Variants in ATIC observed in about 807,000 individuals in gnomAD.
The protein encoded by ATIC is 5-aminoimidazole-4-carboxamide ribonucleotide formyltransferase/IMP cyclohydrolase, also known as bifunctional purine biosynthesis protein ATIC.
A neutral mutation model predicts 72.5 loss-of-function variants in ATIC; 64 were observed. The observed-to-expected ratio is 0.88, with a 90% CI of 0.72 to 1.09. The LOEUF (loss-of-function observed/expected upper bound fraction) is 1.09, where lower values mean the gene tolerates loss of function less well. Ranked by LOEUF, ATIC falls within the 50% of genes least tolerant of loss-of-function variation. ATIC has a pLI of 0.00. For missense variants in ATIC, 787 were observed against 732.4 expected (o/e 1.07, Z -0.86); for synonymous variants, 281 against 267.1 (o/e 1.05, Z -0.51).
chr2:215,368,105 T>G, the ATIC span: 1 of 1,402,172 alleles, frequency 7.1e-7, no homozygotes, highest in African/African-American at 1.4e-5. Flanking sequence ...ATCGAATGAC[T>G]GTATACAATG....
At position 215,336,062 on chromosome 2, in the gene ATIC, T is replaced by G; in HGVS notation, c.1036T>G (p.Tyr346Asp). 1.2e-6 allele frequency: 2 copies of G among 1,612,688 alleles called. No individual in the cohort carries two copies. Among genetic ancestry groups the G allele is most frequent in the Non-Finnish European group, 1.7e-6 (2 of 1,179,210 alleles). Residue 346 changes from tyrosine (Y) to aspartate (D), a missense_variant, in exon 11 of 16, where the codon TAT (tyrosine) becomes GAT (aspartate). Tyr to Asp is a radical substitution (Grantham distance 160). Transcript: ENST00000236959. ...EVSDGIIAPG[Y>D]EEEALTILSK... is the part of the protein sequence containing the mutation. ...ATCTGATGGTATAATTGCCCCAGGA[T>G]ATGAAGAAGAAGCCTTGACAATACT...
At chr2:215,347,219 G>A (rs1386717691) in intron 14 of ATIC, 1 of 445,568 alleles carries the variant, frequency 2.2e-6, no homozygotes, top group Admixed American at 3.5e-5. Flanking sequence ...TTCCCCTGTT[G>A]ATTATAAGCT....
At chr2:215,332,553 TTTC>T in intron 8 of ATIC, 46 bp downstream of exon 8, 1 of 1,604,508 alleles carries the variant, frequency 6.2e-7, no homozygotes, top group Middle Eastern at 1.7e-4. Flanking sequence ...TCGAAAGGCA[TTTC>T]TTCTTAAATT....
chr2:215,327,567 T>C (rs2052842779), intron 7 of ATIC, among the ~76,000 whole-genome samples: 1 of 152,196 alleles, frequency 6.6e-6, no homozygotes, highest in Non-Finnish European at 1.5e-5. Flanking sequence ...TAAATGTGTG[T>C]CCTGTTCTGT....
At chr2:215,336,589 A>G (rs940265183) in intron 11 of ATIC, among the ~76,000 whole-genome samples, 1 of 152,200 alleles carries the variant, frequency 6.6e-6, no homozygotes, top group African/African-American at 2.4e-5. Context: ...CTTTCCTGAA[A>G]TAGTCTATGT....
At chr2:215,350,593 A>G (rs2053123099), downstream of ATIC, among the ~76,000 whole-genome samples, 1 of 152,216 alleles carries the variant, frequency 6.6e-6, no homozygotes, top group African/African-American at 2.4e-5. Context: ...TCTCAGTGCT[A>G]AGTGAAATGT....
chr2:215,315,823 C>T (rs58658987), intron 2 of ATIC, among the ~76,000 whole-genome samples: 15 of 151,320 alleles, frequency 9.9e-5, no homozygotes, highest in Admixed American at 9.3e-4. Flanking sequence ...GGTGTGGTGG[C>T]GTGCACCTGT....
chr2:215,313,430 A>G (rs2052676564), intron 2 of ATIC, among the ~76,000 whole-genome samples: 1 of 152,166 alleles, frequency 6.6e-6, no homozygotes, highest in African/African-American at 2.4e-5. Flanking sequence ...GAAATGATTA[A>G]CCAGGATGCC....
At position 215,349,726 on chromosome 2, in the gene ATIC, CT is replaced by C; in HGVS notation, c.*76del. The C allele has an allele frequency of 6.2e-7, 1 of 1,610,944 alleles. No individual in the cohort carries two copies. Among genetic ancestry groups the C allele is most frequent in the South Asian group, 1.1e-5 (1 of 90,908 alleles). Reference sequence around the variant, plus strand: ...GTCACGCCTGAAACTTTGAGGATAACTTTTTAAAAAAATAAAACAGTATCTC... The same window carrying C: ...GTCACGCCTGAAACTTTGAGGATAACTTTTAAAAAAATAAAACAGTATCTC... On this transcript the variant is annotated 3_prime_UTR_variant, in exon 16 of 16. Transcript: ENST00000236959.
chr2:215,328,026 A>G (rs2052848597), intron 7 of ATIC, among the ~76,000 whole-genome samples: 2 of 151,916 alleles, frequency 1.3e-5, no homozygotes, highest in Non-Finnish European at 2.9e-5. Flanking sequence ...GGTGCGCACC[A>G]CAATGCCTGG....
At position 215,326,184 on chromosome 2, in the gene ATIC, A is replaced by G. The variant is rs779594325; in HGVS notation, c.531+46A>G. 8.1e-6 allele frequency: 13 copies of G among 1,610,858 alleles called. No individual in the cohort carries two copies. In the South Asian group the frequency reaches 1.4e-4, roughly 18 times the overall value. Reference sequence around the variant, plus strand: ...ATTGTAAGTTACATCCATGGAGTGCAGTGTTTGCCAGACCAAGCAGTATTC... The same window carrying G: ...ATTGTAAGTTACATCCATGGAGTGCGGTGTTTGCCAGACCAAGCAGTATTC... On this transcript the variant is annotated intron_variant, in intron 6 of 15. Transcript: ENST00000236959.
chr2:215,327,520 G>T (rs2052842275), intron 7 of ATIC, among the ~76,000 whole-genome samples: 1 of 152,212 alleles, frequency 6.6e-6, no homozygotes, highest in African/African-American at 2.4e-5. Flanking sequence ...AAGAAAGTAG[G>T]ACTTTCTCTG....
intron 2 of ATIC, among the ~76,000 whole-genome samples, chr2:215,314,787 C>G (rs116630701): frequency 6.6e-6 from 1 of 151,868 alleles, no homozygotes; most frequent in Non-Finnish European, 1.5e-5. Context: ...CCACCGCACC[C>G]GAGGCCAAGA....
chr2:215,352,576 C>T (rs1401221446), downstream of ATIC, among the ~76,000 whole-genome samples: 1 of 116,862 alleles, frequency 8.6e-6, no homozygotes, highest in Admixed American at 9.0e-5. Context: ...AGCAAGACTC[C>T]ATCTCAAGAA....
the ATIC span, among the ~76,000 whole-genome samples, chr2:215,359,584 T>C: frequency 6.6e-6 from 1 of 152,208 alleles, no homozygotes; most frequent in African/African-American, 2.4e-5. Flanking sequence ...CAGTAATAAA[T>C]AGAAGTCCAG....
At chr2:215,336,988 T>C (rs546435460) in intron 11 of ATIC, among the ~76,000 whole-genome samples, 2 of 152,278 alleles carry the variant, frequency 1.3e-5, no homozygotes, top group South Asian at 4.1e-4. Context: ...ACATTGTGTG[T>C]GGTATGAGCA....
In ATIC at chr2:215,344,859, C is replaced by G; in HGVS notation, c.1308C>G (p.Ala436=). ...CTCAGTCTAACTCTGTGTGCTACGC[C>G]AAGAACGGGCAGGTAAGTGGGCTGT... ...KYTQSNSVCY[A]KNGQVIGIGA... is the part of the protein sequence containing the mutation. The change falls in exon 13 of 16, where the codon GCC becomes GCG. Residue 436 remains alanine, a synonymous_variant. Transcript: ENST00000236959. 2 of 1,613,886 alleles carry G rather than the reference C, an allele frequency of 1.2e-6. No homozygotes were observed. Among genetic ancestry groups the G allele is most frequent in the East Asian group, 2.2e-5 (1 of 44,850 alleles).
chr2:215,335,769 C>T (rs1286071326), intron 10 of ATIC, among the ~76,000 whole-genome samples: 12 of 152,146 alleles, frequency 7.9e-5, no homozygotes, highest in Admixed American at 7.9e-4. Context: ...TCCTGAGGTA[C>T]ATGTGTTAAG....
chr2:215,316,478 T>G (rs1043229024), intron 2 of ATIC, among the ~76,000 whole-genome samples: 5 of 152,200 alleles, frequency 3.3e-5, no homozygotes, highest in African/African-American at 1.2e-4. Flanking sequence ...GGAGGATTAC[T>G]TAATAAGCCC....
Sources: gnomAD v4.1 joint callset for allele counts (sites outside exome capture counted in the v4.1 genomes callset) on GRCh38, gnomAD v4.1.1 for gene constraint, MANE v1.5 for transcripts, NCBI Gene and HGNC (gene_info 2026-07-23, HGNC 2026-07-21) for gene names.